Variants in PDLIM5 observed in about 807,000 individuals in gnomAD.
PDLIM5 encodes the protein PDZ and LIM domain protein 5.
A neutral mutation model predicts 64.2 loss-of-function variants in PDLIM5; 34 were observed. The observed-to-expected ratio is 0.53, with a 90% CI of 0.40 to 0.71. The LOEUF is 0.71. PDLIM5 is among the 30% of genes least tolerant of loss of function. The pLI is 0.00. For missense variants in PDLIM5, 683 were observed against 733.6 expected, an observed-to-expected ratio of 0.93 and a Z score of 0.80; for synonymous variants, 253 against 269.1, an observed-to-expected ratio of 0.94 and a Z score of 0.59.
intron 2 of PDLIM5, 71 bp from the exon 3 acceptor site, chr4:94,523,652 AG>A: frequency 8.3e-7 from 1 of 1,201,006 alleles, no homozygotes; most frequent in Non-Finnish European, 1.2e-6. Flanking sequence ...TATAAGCAAA[AG>A]TATAATTTTT....
intron 7 of PDLIM5, among the ~76,000 whole-genome samples, chr4:94,614,148 A>G (rs1011657027): frequency 1.1e-4 from 17 of 152,090 alleles, no homozygotes; most frequent in African/African-American, 3.6e-4. Flanking sequence ...TTTTTAGTAG[A>G]GACGGGGTTT....
chr4:94,630,497 A>C (rs11725849), intron 8 of PDLIM5, among the ~76,000 whole-genome samples: 1 of 151,594 alleles, frequency 6.6e-6, no homozygotes, highest in Non-Finnish European at 1.5e-5. Context: ...GCCTCGGCCT[A>C]ACAGTAGCTA....
chr4:94,474,360 T>G (rs962682052), intron 2 of PDLIM5, among the ~76,000 whole-genome samples: 3 of 152,074 alleles, frequency 2.0e-5, no homozygotes, highest in African/African-American at 7.2e-5. Flanking sequence ...AAGTGATTCT[T>G]CTGCCTCAGC....
rs554314153 is a variant in PDLIM5, at chr4:94,661,477, G to C, written c.1586-945G>C. 1.6e-4 allele frequency among the ~76,000 whole-genome samples: 25 copies of C among 152,304 alleles called. No homozygotes were observed. In the South Asian group the frequency reaches 4.4e-3, roughly 27 times the overall value. ...ACTGCTTTTGTCAGAAGGAAATCCT[G>C]TTAGTATTCTTATAACTGTAATCTA... On this transcript the variant is annotated intron_variant, in intron 11 of 12. Transcript: ENST00000317968.
intron 7 of PDLIM5, among the ~76,000 whole-genome samples, chr4:94,612,253 A>T (rs542794740): frequency 8.5e-5 from 13 of 152,106 alleles, no homozygotes; most frequent in South Asian, 4.2e-4. Flanking sequence ...ACAAACAAAA[A>T]ATATATATAT....
At chr4:94,533,790 A>G (rs1454004314) in intron 3 of PDLIM5, among the ~76,000 whole-genome samples, 1 of 152,204 alleles carries the variant, frequency 6.6e-6, no homozygotes, top group Non-Finnish European at 1.5e-5. Context: ...CTAGAGGACC[A>G]TATTTGTTTT....
chr4:94,497,482 A>G (rs1280072711), intron 2 of PDLIM5, among the ~76,000 whole-genome samples: 1 of 152,190 alleles, frequency 6.6e-6, no homozygotes, highest in African/African-American at 2.4e-5. Context: ...AAAACATGAT[A>G]TGATTATTGA....
chr4:94,583,849 T>C (rs891982473), intron 5 of PDLIM5, among the ~76,000 whole-genome samples: 4 of 152,216 alleles, frequency 2.6e-5, no homozygotes, highest in African/African-American at 4.8e-5. Context: ...CCTCATGTTA[T>C]GTACTGCAGA....
intron 8 of PDLIM5, among the ~76,000 whole-genome samples, chr4:94,621,497 G>A (rs778693492): frequency 3.9e-5 from 6 of 152,170 alleles, no homozygotes; most frequent in Admixed American, 1.3e-4. Flanking sequence ...TTTGTAAAAA[G>A]CAACGAAAAG....
At chr4:94,507,515 A>G (rs1451319247) in intron 2 of PDLIM5, among the ~76,000 whole-genome samples, 2 of 152,158 alleles carry the variant, frequency 1.3e-5, no homozygotes, top group African/African-American at 2.4e-5. Flanking sequence ...ATGTGCTCAT[A>G]TATATAAGGC....
At chr4:94,647,170 A>G (rs1317815824) in intron 9 of PDLIM5, among the ~76,000 whole-genome samples, 1 of 152,208 alleles carries the variant, frequency 6.6e-6, no homozygotes, top group African/African-American at 2.4e-5. Flanking sequence ...GTTACATTAA[A>G]CATAAATATA....
chr4:94,633,221 A>G (rs910908310), intron 8 of PDLIM5, among the ~76,000 whole-genome samples: 4 of 152,180 alleles, frequency 2.6e-5, no homozygotes, highest in Non-Finnish European at 4.4e-5. Flanking sequence ...AACATGATCA[A>G]TTATGAAGCA....
intron 2 of PDLIM5, among the ~76,000 whole-genome samples, chr4:94,473,667 GT>G (rs1725075551): frequency 6.6e-6 from 1 of 152,230 alleles, no homozygotes; most frequent in Non-Finnish European, 1.5e-5. Context: ...ATAAGGTCTT[GT>G]CAACATAGTG....
chr4:94,533,669 A>C (rs1253510445), intron 3 of PDLIM5, among the ~76,000 whole-genome samples: 1 of 152,206 alleles, frequency 6.6e-6, no homozygotes, highest in Non-Finnish European at 1.5e-5. Context: ...AGGTTGAATG[A>C]AATAGCCTAT....
chr4:94,535,835 CTTT>C (rs10590994), intron 3 of PDLIM5, among the ~76,000 whole-genome samples: 6,101 of 122,984 alleles, frequency 0.05, 190 homozygotes, highest in African/African-American at 0.098. Context: ...ATAAGGTCCT[CTTT>C]TTTTTTTTTT....
chr4:94,564,011 T>C (rs1273667737), intron 3 of PDLIM5, among the ~76,000 whole-genome samples: 1 of 149,406 alleles, frequency 6.7e-6, no homozygotes, highest in Non-Finnish European at 1.5e-5. Context: ...TCTCCCAGGC[T>C]GAAATGCAGA....
Position 94,665,392 on chromosome 4 carries a change from A to T in PDLIM5, c.*1325A>T. On this transcript the variant is annotated 3_prime_UTR_variant, in exon 13 of 13. Transcript: ENST00000317968. ...ATGTACTTGGGAGGCTGAGGCAGGA[A>T]AATTCTTGAACCCAGGAGACGGAAG... The T allele has an allele frequency of 2.7e-6, 1 of 368,356 alleles. No homozygotes were observed. Among genetic ancestry groups the T allele is most frequent in the Non-Finnish European group, 3.8e-6 (1 of 265,912 alleles). The allele number at this position is 368,356 out of a possible 1,614,324, so 22.8% of individuals were successfully genotyped here. A position where few individuals can be genotyped will look rare whatever the true frequency, so the allele number is the denominator to read the frequency against.
chr4:94,622,649 TCTCC>T (rs1176393584), intron 8 of PDLIM5, among the ~76,000 whole-genome samples: 2 of 143,088 alleles, frequency 1.4e-5, no homozygotes, highest in African/African-American at 2.6e-5. Flanking sequence ...TCCCTCCCTC[TCTCC>T]CTCCCTCCCT....
At chr4:94,535,832 CCT>C (rs1388485510) in intron 3 of PDLIM5, among the ~76,000 whole-genome samples, 2 of 106,594 alleles carry the variant, frequency 1.9e-5, no homozygotes, top group Non-Finnish European at 3.6e-5. Context: ...TACATAAGGT[CCT>C]CTTTTTTTTT....
Sources: allele counts gnomAD v4.1 joint callset (sites outside exome capture counted in the v4.1 genomes callset), GRCh38; gene constraint gnomAD v4.1.1; transcripts MANE v1.5; gene names NCBI Gene and HGNC (gene_info 2026-07-23, HGNC 2026-07-21).